PCCA: variants seen among roughly 807,000 people sequenced by gnomAD.
PCCA encodes the protein propionyl-CoA carboxylase alpha chain, mitochondrial.
PCCA carries 74 observed loss-of-function variants against 101.3 expected under a neutral mutation model. The ratio of observed to expected loss-of-function variants is 0.73; its 90% CI spans 0.61 to 0.89. PCCA has a LOEUF of 0.89. Among genes scored for constraint, PCCA ranks in the 40% least tolerant of loss-of-function variants. PCCA has a pLI of 0.00. For synonymous variants in PCCA, 294 were observed against 313.6 expected (o/e 0.94, Z 0.66); for missense variants, 891 against 907.0 (o/e 0.98, Z 0.23).
chr13:100,166,422 C>T (rs2055038379), intron 6 of PCCA, among the ~76,000 whole-genome samples: 2 of 152,130 alleles, frequency 1.3e-5, no homozygotes, highest in African/African-American at 4.8e-5. Flanking sequence ...CCTCAGCTTC[C>T]CAAGTAGCTG....
At chr13:100,238,450 C>T (rs763453127) in intron 8 of PCCA, among the ~76,000 whole-genome samples, 14 of 152,140 alleles carry the variant, frequency 9.2e-5, no homozygotes, top group Non-Finnish European at 1.5e-4. Context: ...CTTTATGACT[C>T]CTTTCTCTTT....
intron 17 of PCCA, among the ~76,000 whole-genome samples, chr13:100,330,902 A>T (rs1226053392): frequency 5.3e-5 from 8 of 152,164 alleles, no homozygotes; most frequent in African/African-American, 1.9e-4. Context: ...GAATTGTTCT[A>T]TGAGTCCAGT....
chr13:100,368,430 A>T, intron 18 of PCCA, 42 bp from the exon 19 acceptor site: 1 of 1,052,654 alleles, frequency 9.5e-7, no homozygotes, highest in Non-Finnish European at 1.5e-6. Context: ...GAGAAATAAT[A>T]ATATAAAATT....
intron 6 of PCCA, among the ~76,000 whole-genome samples, chr13:100,168,253 G>A (rs778272603): frequency 2.0e-5 from 3 of 152,144 alleles, no homozygotes; most frequent in African/African-American, 7.2e-5. Flanking sequence ...GTCAGATAGC[G>A]TTTTACTGGG....
intron 4 of PCCA, among the ~76,000 whole-genome samples, chr13:100,120,726 C>T (rs1478535027): frequency 6.6e-6 from 1 of 152,062 alleles, no homozygotes; most frequent in Non-Finnish European, 1.5e-5. Context: ...CTTATTAAGT[C>T]ATGAATTTTT....
intron 7 of PCCA, among the ~76,000 whole-genome samples, chr13:100,212,124 C>T (rs1368421541): frequency 6.6e-6 from 1 of 152,184 alleles, no homozygotes; most frequent in Non-Finnish European, 1.5e-5. Flanking sequence ...TTATATAGCT[C>T]TCACTACTTG....
At chr13:100,159,291 A>G (rs2054202005) in intron 6 of PCCA, among the ~76,000 whole-genome samples, 1 of 151,730 alleles carries the variant, frequency 6.6e-6, no homozygotes. Context: ...GGGTTTCACC[A>G]TTTTAGTCAG....
At chr13:100,305,645 G>A (rs1595226721) in intron 14 of PCCA, 1 of 226,402 alleles carries the variant, frequency 4.4e-6, no homozygotes, top group Non-Finnish European at 9.2e-6. Context: ...TATATTTTCT[G>A]TTATGTAACC....
chr13:100,108,592 C>T (rs1951404961), intron 2 of PCCA, among the ~76,000 whole-genome samples: 1 of 152,210 alleles, frequency 6.6e-6, no homozygotes, highest in African/African-American at 2.4e-5. Context: ...ACATGCTGTT[C>T]ATGTGCTCCC....
At chr13:100,292,386 T>G (rs1202098663) in intron 12 of PCCA, among the ~76,000 whole-genome samples, 4 of 152,236 alleles carry the variant, frequency 2.6e-5, no homozygotes, top group Admixed American at 1.3e-4. Flanking sequence ...CTGTATGTTT[T>G]GATTTCCTCA....
chr13:100,374,473 T>G (rs1297125949), intron 19 of PCCA, among the ~76,000 whole-genome samples: 2 of 152,016 alleles, frequency 1.3e-5, no homozygotes, highest in African/African-American at 4.8e-5. Flanking sequence ...CTGGTCAAAA[T>G]AGTTTTTGGC....
At chr13:100,453,372 G>C (rs1283410782) in intron 21 of PCCA, among the ~76,000 whole-genome samples, 2 of 151,932 alleles carry the variant, frequency 1.3e-5, no homozygotes, top group Admixed American at 6.6e-5. Context: ...ATGGTGGCAG[G>C]AGCCTGCGAT....
At chr13:100,196,453 G>A (rs1056068809) in intron 6 of PCCA, among the ~76,000 whole-genome samples, 7 of 152,158 alleles carry the variant, frequency 4.6e-5, no homozygotes, top group Middle Eastern at 3.4e-3. Context: ...AACTTCTGCC[G>A]ACAGTTACAG....
intron 1 of PCCA, among the ~76,000 whole-genome samples, chr13:100,091,984 G>T (rs1288595197): frequency 6.6e-6 from 1 of 151,724 alleles, no homozygotes; most frequent in Admixed American, 6.6e-5. Flanking sequence ...GCAGTGGCGC[G>T]ATCTCAGCTC....
rs1357780167 is a variant in PCCA at position 100,515,522 on chromosome 13, G to C, written c.1995G>C (p.Pro665=). Residue 665 remains proline, a synonymous_variant, in exon 22 of 24, where the codon CCG becomes CCC. Transcript: ENST00000376285. ...ACACAAGCAGTGTTCTGCGTTCCCC[G>C]ATGCCCGGAGTGGTGGTGGCCGTCT... The part of the protein sequence containing the change: ...TEDTSSVLRS[P]MPGVVVAVSV... 6.2e-7 allele frequency: 1 copy of C among 1,613,962 alleles called. No individual in the cohort carries two copies. The highest frequency in any genetic ancestry group is 2.2e-5 in the East Asian group (1 of 44,886).
intron 20 of PCCA, among the ~76,000 whole-genome samples, chr13:100,427,950 C>T (rs1478472183): frequency 6.6e-6 from 1 of 152,092 alleles, no homozygotes; most frequent in African/African-American, 2.4e-5. Context: ...CTTTGATCTT[C>T]ACAATTGTAT....
intron 6 of PCCA, among the ~76,000 whole-genome samples, chr13:100,176,715 G>A (rs1272964028): frequency 2.0e-5 from 3 of 152,098 alleles, no homozygotes; most frequent in Admixed American, 2.0e-4. Context: ...TTAGCACTTG[G>A]ATCATTTAAA....
In PCCA at chr13:100,246,272, G is replaced by C. The variant is rs367738931; in HGVS notation, c.637+10394G>C. Among the ~76,000 whole-genome samples the C allele has an allele frequency of 9.7e-4, 147 of 151,048 alleles. 4 individuals are homozygous for C. In the South Asian group the frequency reaches 0.028, roughly 29 times the overall value. Reference sequence around the variant, plus strand: ...CATTTCTAAGTAATTTCAGATTTCTGCTATGATTTTGACTCATATGTTATT... The same window carrying C: ...CATTTCTAAGTAATTTCAGATTTCTCCTATGATTTTGACTCATATGTTATT... On this transcript the variant is annotated intron_variant, in intron 8 of 23. Transcript: ENST00000376285.
chr13:100,282,415 C>G (rs910382798), intron 12 of PCCA, among the ~76,000 whole-genome samples: 1 of 152,216 alleles, frequency 6.6e-6, no homozygotes, highest in African/African-American at 2.4e-5. Flanking sequence ...AGGCCAGAGC[C>G]GGCTCTCTCA....
Sources: allele counts gnomAD v4.1 joint callset (sites outside exome capture counted in the v4.1 genomes callset), GRCh38; gene constraint gnomAD v4.1.1; transcripts MANE v1.5; gene names NCBI Gene and HGNC (gene_info 2026-07-23, HGNC 2026-07-21).